The following DCAF7 variants were observed in gnomAD, a reference collection of about 807,000 sequenced individuals.
DCAF7 encodes DDB1 and CUL4 associated factor 7, also known as DDB1- and CUL4-associated factor 7.
DCAF7 carries 4 observed loss-of-function variants against 41.2 expected under a neutral mutation model. The ratio of observed to expected loss-of-function variants is 0.10; its 90% CI spans 0.05 to 0.22. The LOEUF is 0.22. DCAF7 is among the 10% of genes least tolerant of loss of function. The probability of loss-of-function intolerance (pLI) is 1.00; values close to 1 mark genes in which losing one functional copy is unlikely to be tolerated. For missense variants in DCAF7, 131 were observed against 443.2 expected, an observed-to-expected ratio of 0.30 and a Z score of 6.32; for synonymous variants, 143 against 164.2, an observed-to-expected ratio of 0.87 and a Z score of 0.99.
intron 1 of DCAF7, among the ~76,000 whole-genome samples, chr17:63,568,807 T>C (rs889795628): frequency 7.2e-5 from 11 of 152,166 alleles, no homozygotes; most frequent in African/African-American, 2.7e-4. Flanking sequence ...ACATGTCTCT[T>C]TTCTGCCTCT....
At position 63,579,342 on chromosome 17, in the gene DCAF7, T is replaced by A; in HGVS notation, c.303T>A (p.Gly101=). The stretch of plus-strand genomic sequence containing the variant: ...TAAAATTCTTGTTCCTTCAGGTTGG[T>A]GAAACAGAGACCAGGCTGGAGTGTT... The part of the protein sequence containing the change: ...SGDYLRVWRV[G]ETETRLECLL... Residue 101 remains glycine, a synonymous_variant, in exon 3 of 7, where the codon GGT becomes GGA. Coordinates refer to ENST00000614556, the MANE Select transcript of DCAF7 (RefSeq NM_005828.5). 1 of 1,598,628 alleles carries A rather than the reference T, an allele frequency of 6.3e-7. No individual in the cohort carries two copies. Among genetic ancestry groups the A allele is most frequent in the Non-Finnish European group, 8.5e-7 (1 of 1,171,736 alleles).
At chr17:63,556,799 G>A (rs1032857473) in intron 1 of DCAF7, among the ~76,000 whole-genome samples, 1 of 152,156 alleles carries the variant, frequency 6.6e-6, no homozygotes, top group African/African-American at 2.4e-5. Flanking sequence ...CCTGGGAGGC[G>A]GAGGTGTGGT....
chr17:63,571,185 CAA>C (rs1285227393), intron 1 of DCAF7, among the ~76,000 whole-genome samples: 2 of 117,306 alleles, frequency 1.7e-5, no homozygotes, highest in Non-Finnish European at 1.8e-5. Flanking sequence ...GTCTCCGTCT[CAA>C]AAAAAAAAAA....
Position 63,550,826 on chromosome 17 carries a change from C to CA in DCAF7, c.138+12dup. ...GAGTACAACAACAAGGTGGGCCGGG[C>CA]AGGGGCTCGGAACCCAGCTGGCGGG... On this transcript the variant is annotated intron_variant, in intron 1 of 6. Transcript: ENST00000614556. This position sits in a 1 kb window ranked among gnomAD's most constrained non-coding sequence, Gnocchi z 4.8. 1.9e-6 allele frequency: 3 copies of CA among 1,611,894 alleles called. No individual in the cohort carries two copies. In the South Asian group the frequency reaches 3.3e-5, roughly 18 times the overall value.
At chr17:63,577,688 C>T (rs1418026428) in intron 1 of DCAF7, among the ~76,000 whole-genome samples, 1 of 152,016 alleles carries the variant, frequency 6.6e-6, no homozygotes, top group Non-Finnish European at 1.5e-5. Flanking sequence ...GGGTTGTGCA[C>T]TATTGGATTT....
chr17:63,584,325 G>T (rs1161698760), intron 5 of DCAF7, among the ~76,000 whole-genome samples: 1 of 152,194 alleles, frequency 6.6e-6, no homozygotes, highest in African/African-American at 2.4e-5. Context: ...AAAATTAGCT[G>T]GGTGTGGTGG....
chr17:63,576,707 A>G (rs1310943963), intron 1 of DCAF7, among the ~76,000 whole-genome samples: 2 of 152,114 alleles, frequency 1.3e-5, no homozygotes, highest in Non-Finnish European at 2.9e-5. Context: ...TGAGCCCAGA[A>G]GTTCGAGGCC....
intron 1 of DCAF7, among the ~76,000 whole-genome samples, chr17:63,553,117 A>G (rs1379358330): frequency 1.3e-5 from 2 of 152,252 alleles, no homozygotes; most frequent in African/African-American, 4.8e-5. Context: ...CACTACAGAT[A>G]TAAACAACAT....
chr17:63,572,133 G>A (rs2033513974), intron 1 of DCAF7, among the ~76,000 whole-genome samples: 1 of 152,174 alleles, frequency 6.6e-6, no homozygotes, highest in African/African-American at 2.4e-5. Flanking sequence ...TTATGAAGGA[G>A]GCAAGATGTC....
chr17:63,574,661 A>G (rs147019723), intron 1 of DCAF7, among the ~76,000 whole-genome samples: 1,770 of 152,314 alleles, frequency 0.012, 30 homozygotes, highest in African/African-American at 0.039. Context: ...ACCAATGAAC[A>G]ATTGGAAATG....
At chr17:63,582,105 G>A (rs1568104697) in intron 4 of DCAF7, among the ~76,000 whole-genome samples, 2 of 152,200 alleles carry the variant, frequency 1.3e-5, no homozygotes, top group Non-Finnish European at 2.9e-5. Context: ...TAAAGCAGCT[G>A]TACAGTACTA....
At position 63,590,673 on chromosome 17, in the gene DCAF7, T is replaced by G. The variant is rs776032314; in HGVS notation, c.*1501T>G. 4 of 152,776 alleles carry G rather than the reference T, an allele frequency of 2.6e-5. No homozygotes were observed. The highest frequency in any genetic ancestry group is 5.9e-5 in the Non-Finnish European group (4 of 68,144). 9.5% of individuals were successfully genotyped at this position (152,776 alleles called of 1,614,324 possible). ...TGCTCTTGGGGGAAAGTTGGCTGTTTCCTTGCGCTCTGCTCCTACCCGAAG... is the reference window on the plus strand; with the variant it reads ...TGCTCTTGGGGGAAAGTTGGCTGTTGCCTTGCGCTCTGCTCCTACCCGAAG... On this transcript the variant is annotated 3_prime_UTR_variant, in exon 7 of 7. Transcript: ENST00000614556.
intron 1 of DCAF7, among the ~76,000 whole-genome samples, chr17:63,561,656 C>A (rs1254549882): frequency 6.6e-6 from 1 of 152,036 alleles, no homozygotes; most frequent in Non-Finnish European, 1.5e-5. Context: ...AAGGCAGTGG[C>A]TTGCAGTGAG....
Position 63,579,928 on chromosome 17 carries a change from C to A in DCAF7, c.513C>A (p.Ile171=), listed in dbSNP as rs747763365. Reference sequence around the variant, plus strand: ...CTGGCCACGTGAAGACCCAGCTGATCGCCCATGACAAAGAGGTAAGATGCT... The same window carrying A: ...CTGGCCACGTGAAGACCCAGCTGATAGCCCATGACAAAGAGGTAAGATGCT... The part of the protein sequence containing the change: ...LVSGHVKTQL[I]AHDKEVYDIA... The change falls in exon 4 of 7, where the codon ATC becomes ATA. Residue 171 remains isoleucine (I), a synonymous_variant. Coordinates refer to ENST00000614556, the MANE Select transcript of DCAF7 (RefSeq NM_005828.5). 6.2e-7 allele frequency: 1 copy of A among 1,613,476 alleles called. No individual in the cohort carries two copies. The highest frequency in any genetic ancestry group is 8.5e-7 in the Non-Finnish European group (1 of 1,179,642).
At chr17:63,562,539 TTTATTA>T (rs567879311) in intron 1 of DCAF7, among the ~76,000 whole-genome samples, 4,872 of 151,442 alleles carry the variant, frequency 0.032, 247 homozygotes, top group African/African-American at 0.11. Flanking sequence ...TTTTTTATTT[TTTATTA>T]TTATTATTAT....
At chr17:63,574,707 T>C (rs995667255) in intron 1 of DCAF7, among the ~76,000 whole-genome samples, 1 of 152,232 alleles carries the variant, frequency 6.6e-6, no homozygotes, top group Non-Finnish European at 1.5e-5. Context: ...GCACAGTGGC[T>C]CATATGTGTA....
In DCAF7 at chr17:63,550,804, TACA is replaced by T; in HGVS notation, c.135_137del (p.Asn45del). On this transcript the variant is annotated inframe_deletion, in exon 1 of 7. Transcript: ENST00000614556. This position sits in a 1 kb window ranked among gnomAD's most constrained non-coding sequence, Gnocchi z 4.8. ...GGCGCTGGGCAGCTTCGTGGAGGAG[TACA>T]ACAACAAGGTGGGCCGGGCAGGGGC... The T allele has an allele frequency of 6.2e-7, 1 of 1,613,576 alleles. No homozygotes were observed. Among genetic ancestry groups the T allele is most frequent in the Non-Finnish European group, 8.5e-7 (1 of 1,179,752 alleles).
chr17:63,555,263 T>C (rs2033298702), intron 1 of DCAF7, among the ~76,000 whole-genome samples: 1 of 152,220 alleles, frequency 6.6e-6, no homozygotes, highest in Admixed American at 6.5e-5. Context: ...TTTAACTGAC[T>C]ACTTGTGCTC....
rs2033647964 is a variant in DCAF7, at chr17:63,583,664, A to G, written c.691A>G (p.Lys231Glu). The change falls in exon 5 of 7, where the codon AAG (lysine) becomes GAG (glutamate). Residue 231 changes from lysine to glutamate, a missense_variant. By Grantham distance (56) the Lys-to-Glu change is moderately conservative. Coordinates refer to ENST00000614556, the MANE Select transcript of DCAF7 (RefSeq NM_005828.5). ...CCCACTGCTTCGCCTCTGCTGGAAC[A>G]AGCAGGACCCTAACTACCTGGCCAC... ...HHPLLRLCWN[K>E]QDPNYLATMA... is the part of the protein sequence containing the mutation. The G allele has an allele frequency of 6.2e-7, 1 of 1,613,566 alleles. No homozygotes were observed. Among genetic ancestry groups the G allele is most frequent in the Non-Finnish European group, 8.5e-7 (1 of 1,179,714 alleles).
Sources: allele counts gnomAD v4.1 joint callset (sites outside exome capture counted in the v4.1 genomes callset), GRCh38; gene constraint gnomAD v4.1.1; non-coding constraint Gnocchi (gnomAD v3.1); transcripts MANE v1.5; gene names NCBI Gene and HGNC (gene_info 2026-07-23, HGNC 2026-07-21).